Variants in SCHIP1 observed in about 807,000 individuals in gnomAD.
SCHIP1 encodes the protein schwannomin-interacting protein 1.
In SCHIP1, 8 loss-of-function variants were observed where a neutral mutation model predicts 29.7. That is an observed-to-expected ratio of 0.27 (90% confidence interval 0.16 to 0.49). The LOEUF is 0.49. Among genes scored for constraint, SCHIP1 ranks in the 20% least tolerant of loss-of-function variants. The pLI, the probability that SCHIP1 is intolerant of heterozygous loss-of-function variation, is 0.99. For synonymous variants in SCHIP1, 76 were observed against 94.9 expected (o/e 0.80, Z 1.16); for missense variants, 193 against 294.6 (o/e 0.66, Z 2.52).
At chr3:159,395,974 T>G in the SCHIP1 span, among the ~76,000 whole-genome samples, 79 of 152,206 alleles carry the variant, frequency 5.2e-4, no homozygotes, top group African/African-American at 1.7e-3. Flanking sequence ...TGTAGGTCAC[T>G]CAGGACTTGC....
the SCHIP1 span, among the ~76,000 whole-genome samples, chr3:159,760,225 T>C: frequency 6.6e-6 from 1 of 152,326 alleles, no homozygotes; most frequent in Non-Finnish European, 1.5e-5. Context: ...GTTGAGTACA[T>C]GTGAGCAAAG....
the SCHIP1 span, among the ~76,000 whole-genome samples, chr3:159,819,625 C>T: frequency 6.6e-6 from 1 of 152,330 alleles, no homozygotes; most frequent in African/African-American, 2.4e-5. Flanking sequence ...AACATTTCCC[C>T]TTCCCTAAAC....
chr3:159,792,706 A>G, the SCHIP1 span, among the ~76,000 whole-genome samples: 7 of 152,328 alleles, frequency 4.6e-5, no homozygotes, highest in East Asian at 1.3e-3. Flanking sequence ...GTCATTTATA[A>G]GGTTTTAACA....
the SCHIP1 span, among the ~76,000 whole-genome samples, chr3:159,582,377 G>A: frequency 6.6e-6 from 1 of 151,806 alleles, no homozygotes; most frequent in African/African-American, 2.4e-5. Flanking sequence ...ATGTTGCCAG[G>A]GCTGGTCTTG....
chr3:159,417,205 C>T, the SCHIP1 span, among the ~76,000 whole-genome samples: 1 of 152,122 alleles, frequency 6.6e-6, no homozygotes, highest in Non-Finnish European at 1.5e-5. Context: ...TGAGTTCTTC[C>T]TCCAAAAGAG....
chr3:159,563,592 G>A, the SCHIP1 span, among the ~76,000 whole-genome samples: 1 of 152,128 alleles, frequency 6.6e-6, no homozygotes, highest in Non-Finnish European at 1.5e-5. Flanking sequence ...ACTTTGGAAG[G>A]CCAAGGCAGG....
chr3:159,566,330 A>G, the SCHIP1 span, among the ~76,000 whole-genome samples: 9 of 152,232 alleles, frequency 5.9e-5, no homozygotes, highest in African/African-American at 1.9e-4. Context: ...ATGCACATTT[A>G]TTCATATAAC....
the SCHIP1 span, among the ~76,000 whole-genome samples, chr3:159,458,569 T>TC: frequency 1.3e-5 from 2 of 151,940 alleles, no homozygotes; most frequent in Admixed American, 1.3e-4. Flanking sequence ...CTTTTCTTTT[T>TC]TTTTTTTTTA....
At chr3:159,701,548 C>T in the SCHIP1 span, among the ~76,000 whole-genome samples, 1 of 152,028 alleles carries the variant, frequency 6.6e-6, no homozygotes, top group African/African-American at 2.4e-5. Flanking sequence ...CATTTATTTT[C>T]CTTTATAACC....
At chr3:159,565,700 T>C in the SCHIP1 span, among the ~76,000 whole-genome samples, 1 of 152,252 alleles carries the variant, frequency 6.6e-6, no homozygotes, top group East Asian at 1.9e-4. Context: ...CCTCTGCATT[T>C]TGTAAGGAAA....
chr3:159,549,120 A>T, the SCHIP1 span, among the ~76,000 whole-genome samples: 2 of 152,176 alleles, frequency 1.3e-5, no homozygotes, highest in African/African-American at 2.4e-5. Context: ...TAATTCTTTT[A>T]TCATTAGCTG....
At chr3:159,291,874 T>A in the SCHIP1 span, among the ~76,000 whole-genome samples, 3 of 151,936 alleles carry the variant, frequency 2.0e-5, no homozygotes, top group African/African-American at 2.4e-5. Flanking sequence ...ATCAATGGGA[T>A]GAAAAATAAA....
the SCHIP1 span, among the ~76,000 whole-genome samples, chr3:159,576,787 G>A: frequency 6.6e-6 from 1 of 152,066 alleles, no homozygotes; most frequent in Admixed American, 6.6e-5. Flanking sequence ...CTAACCTTCT[G>A]CATGCATCTG....
chr3:159,879,483 G>A (rs938934116), intron 2 of SCHIP1, among the ~76,000 whole-genome samples: 9 of 152,056 alleles, frequency 5.9e-5, no homozygotes, highest in African/African-American at 2.2e-4. Context: ...ATAGTAAAAT[G>A]CCTGGCACTT....
At chr3:159,632,171 A>G in the SCHIP1 span, among the ~76,000 whole-genome samples, 4 of 152,162 alleles carry the variant, frequency 2.6e-5, no homozygotes, top group East Asian at 7.7e-4. Flanking sequence ...AAATGTGGCT[A>G]TGTGTCGTCT....
chr3:159,459,596 A>G, the SCHIP1 span, among the ~76,000 whole-genome samples: 4 of 152,302 alleles, frequency 2.6e-5, no homozygotes, highest in African/African-American at 9.6e-5. Flanking sequence ...TCAGACAGAA[A>G]TATTTCAATG....
At chr3:159,738,750 A>G in the SCHIP1 span, among the ~76,000 whole-genome samples, 1 of 152,356 alleles carries the variant, frequency 6.6e-6, no homozygotes, top group East Asian at 1.9e-4. Context: ...AGGAAATTGT[A>G]TATAGTGATA....
the SCHIP1 span, among the ~76,000 whole-genome samples, chr3:159,794,609 G>A: frequency 6.6e-6 from 1 of 152,092 alleles, no homozygotes; most frequent in Admixed American, 6.6e-5. Context: ...CACCTCTAGT[G>A]GTCAGTATAC....
the SCHIP1 span, among the ~76,000 whole-genome samples, chr3:159,778,407 T>TA: frequency 6.6e-6 from 1 of 152,154 alleles, no homozygotes; most frequent in African/African-American, 2.4e-5. Context: ...TTCAGCAGCT[T>TA]CCCCTTATGT....
Sources: gnomAD v4.1 joint callset for allele counts (sites outside exome capture counted in the v4.1 genomes callset) on GRCh38, gnomAD v4.1.1 for gene constraint, MANE v1.5 for transcripts, NCBI Gene and HGNC (gene_info 2026-07-23, HGNC 2026-07-21) for gene names.